LRRC4C: variants seen among roughly 807,000 people sequenced by gnomAD.
LRRC4C encodes the protein leucine-rich repeat-containing protein 4C.
LRRC4C carries 5 observed loss-of-function variants against 33.6 expected under a neutral mutation model. The ratio of observed to expected loss-of-function variants is 0.15; its 90% CI spans 0.08 to 0.31. The LOEUF (loss-of-function observed/expected upper bound fraction) is 0.31. Ranked by LOEUF, LRRC4C falls within the 10% of genes least tolerant of loss-of-function variation. The pLI, the probability that LRRC4C is intolerant of heterozygous loss-of-function variation, is 1.00. For missense variants in LRRC4C, 560 were observed against 796.7 expected (o/e 0.70, Z 3.58); for synonymous variants, 329 against 302.0 (o/e 1.09, Z -0.93).
At chr11:40,222,235 T>TAGTC (rs1403990161) in intron 5 of LRRC4C, among the ~76,000 whole-genome samples, 4 of 152,182 alleles carry the variant, frequency 2.6e-5, no homozygotes, top group African/African-American at 4.8e-5. Context: ...TCCTTCCTTT[T>TAGTC]AGTCACCTTA....
At chr11:40,275,146 G>T (rs1943007668) in intron 4 of LRRC4C, among the ~76,000 whole-genome samples, 1 of 152,118 alleles carries the variant, frequency 6.6e-6, no homozygotes, top group South Asian at 2.1e-4. Context: ...AATAACAAGA[G>T]TCTGTCTTTT....
chr11:40,312,486 C>G (rs1169948436), intron 4 of LRRC4C, among the ~76,000 whole-genome samples: 7 of 152,138 alleles, frequency 4.6e-5, no homozygotes, highest in Non-Finnish European at 1.0e-4. Flanking sequence ...TTTATTATTA[C>G]CTGCCATTAT....
chr11:40,521,890 A>T (rs979486253), intron 3 of LRRC4C, among the ~76,000 whole-genome samples: 9 of 152,274 alleles, frequency 5.9e-5, no homozygotes, highest in African/African-American at 1.9e-4. Context: ...TAAAATAAAA[A>T]AATAGAAAAG....
At chr11:40,374,303 T>A (rs1353987796) in intron 3 of LRRC4C, among the ~76,000 whole-genome samples, 1 of 152,176 alleles carries the variant, frequency 6.6e-6, no homozygotes, top group Non-Finnish European at 1.5e-5. Flanking sequence ...GTAGAATTAG[T>A]CTTATTTATT....
chr11:41,397,677 TA>T lies in LRRC4C; in HGVS notation c.-496+61753del, dbSNP rs11381080. 1.5e-3 allele frequency among the ~76,000 whole-genome samples: 214 copies of T among 143,788 alleles called. 1 individual carries two copies. Among genetic ancestry groups the T allele is most frequent in the African/African-American group, 1.9e-3 (73 of 38,686 alleles). 94.3% of individuals were successfully genotyped at this position (143,788 alleles called of 152,430 possible). A position where few individuals can be genotyped will look rare whatever the true frequency, so the allele number is the denominator to read the frequency against. ...GTCAACAGTAAATGTGAACAAAAAC[TA>T]AAAAAAAAAAAAGATATTTATCTAA... is the stretch of plus-strand genomic sequence containing the variant. On this transcript the variant is annotated intron_variant, in intron 1 of 6. Transcript: ENST00000528697.
intron 2 of LRRC4C, among the ~76,000 whole-genome samples, chr11:40,699,687 T>TAC (rs1004002063): frequency 1.2e-4 from 18 of 151,970 alleles, no homozygotes; most frequent in African/African-American, 3.1e-4. Context: ...AACAAAGAAA[T>TAC]ACACACACAC....
At position 40,436,287 on chromosome 11, in the gene LRRC4C, C is replaced by A. The variant is rs564025998; in HGVS notation, c.-269-116566G>T. 7.2e-5 allele frequency among the ~76,000 whole-genome samples: 11 copies of A among 152,214 alleles called. No homozygotes were observed. The South Asian group carries it at 2.1e-3, about 29-fold the overall frequency. ...AAGCTTTGGGAAGCCCCAGAGAGGG[C>A]TGTTTAGGTAGTTTGAGGCATTCAT... On this transcript the variant is annotated intron_variant, in intron 3 of 6. Transcript: ENST00000528697.
At chr11:40,834,911 G>GACAGACACACACACACAC (rs748483585) in intron 2 of LRRC4C, among the ~76,000 whole-genome samples, 3,392 of 84,862 alleles carry the variant, frequency 0.04, 125 homozygotes, top group Non-Finnish European at 0.058. Context: ...CAGACAGACA[G>GACAGACACACACACACAC]ACACACACAC....
At chr11:40,148,959 T>G (rs1857969558) in intron 5 of LRRC4C, among the ~76,000 whole-genome samples, 1 of 152,202 alleles carries the variant, frequency 6.6e-6, no homozygotes, top group Admixed American at 6.5e-5. Context: ...ATTGCTTGTT[T>G]TTGTCAGCTT....
At chr11:40,854,376 G>A (rs951529994) in intron 2 of LRRC4C, among the ~76,000 whole-genome samples, 8 of 152,152 alleles carry the variant, frequency 5.3e-5, no homozygotes, top group African/African-American at 1.9e-4. Context: ...GTAGATGAGA[G>A]CTTCATTTTC....
chr11:40,865,957 A>C (rs1019846067), intron 2 of LRRC4C, among the ~76,000 whole-genome samples: 2 of 151,940 alleles, frequency 1.3e-5, no homozygotes, highest in African/African-American at 4.8e-5. Context: ...GATTTTTTTA[A>C]TCTATTGGAT....
rs767793951 is a variant in LRRC4C at position 40,116,166 on chromosome 11, G to T, written c.127C>A (p.Arg43=). 5 of 1,613,592 alleles carry T rather than the reference G, an allele frequency of 3.1e-6. No homozygotes were observed. Among genetic ancestry groups the T allele is most frequent in the Non-Finnish European group, 3.4e-6 (4 of 1,179,870 alleles). ...CACACAGAAGGGCAGGTCTGAGCCCGCACCAGACCAGCCACCACAAGAAGT... is the reference window on the plus strand; with the variant it reads ...CACACAGAAGGGCAGGTCTGAGCCCTCACCAGACCAGCCACCACAAGAAGT... The part of the protein sequence containing the change: ...LQLLVVAGLV[R]AQTCPSVCSC... Residue 43 remains arginine (R), a synonymous_variant, in exon 7 of 7, where the codon CGG becomes AGG. Coordinates refer to ENST00000528697, the MANE Select transcript of LRRC4C (RefSeq NM_001258419.2).
chr11:41,239,151 T>TAAAAA (rs71466925), intron 1 of LRRC4C, among the ~76,000 whole-genome samples: 50 of 112,734 alleles, frequency 4.4e-4, no homozygotes, highest in Non-Finnish European at 8.4e-4. Flanking sequence ...CCGTCTCTAC[T>TAAAAA]AAAAAAAAAA....
intron 3 of LRRC4C, among the ~76,000 whole-genome samples, chr11:40,335,826 C>T (rs1338487086): frequency 6.6e-6 from 1 of 152,184 alleles, no homozygotes; most frequent in Non-Finnish European, 1.5e-5. Context: ...AGTAACGCAG[C>T]CAAGTGAGTT....
At chr11:40,975,154 C>T (rs1187800131) in intron 1 of LRRC4C, among the ~76,000 whole-genome samples, 5 of 152,162 alleles carry the variant, frequency 3.3e-5, no homozygotes, top group African/African-American at 9.7e-5. Flanking sequence ...CTATAGATGT[C>T]TATCTAATTA....
chr11:41,352,152 A>G (rs1397112216), intron 1 of LRRC4C, among the ~76,000 whole-genome samples: 1 of 152,190 alleles, frequency 6.6e-6, no homozygotes, highest in Non-Finnish European at 1.5e-5. Context: ...CAGAAGCTCA[A>G]AATAAAGGAG....
chr11:40,791,541 G>A (rs1950621343), intron 2 of LRRC4C, among the ~76,000 whole-genome samples: 1 of 152,272 alleles, frequency 6.6e-6, no homozygotes. Flanking sequence ...CTATGGAGAA[G>A]TAATCATGTT....
At chr11:40,850,848 G>A (rs1040501193) in intron 2 of LRRC4C, among the ~76,000 whole-genome samples, 10 of 152,186 alleles carry the variant, frequency 6.6e-5, no homozygotes, top group African/African-American at 2.4e-4. Flanking sequence ...AATCTGGAGA[G>A]GCAGTCTGGC....
chr11:41,121,235 G>T (rs1294092702), intron 1 of LRRC4C, among the ~76,000 whole-genome samples: 2 of 151,966 alleles, frequency 1.3e-5, no homozygotes, highest in Non-Finnish European at 2.9e-5. Context: ...CCATGACATT[G>T]TAGGATATAT....
Sources: gnomAD v4.1 joint callset for allele counts (sites outside exome capture counted in the v4.1 genomes callset) on GRCh38, gnomAD v4.1.1 for gene constraint, MANE v1.5 for transcripts, NCBI Gene and HGNC (gene_info 2026-07-23, HGNC 2026-07-21) for gene names.